Variants in ALK observed in about 807,000 individuals in gnomAD.
The protein encoded by ALK is ALK tyrosine kinase receptor.
ALK carries 74 observed loss-of-function variants against 163.1 expected under a neutral mutation model. The observed-to-expected ratio is 0.45, with a 90% confidence interval of 0.38 to 0.55. The LOEUF is 0.55. ALK is among the 20% of genes least tolerant of loss of function. The probability of loss-of-function intolerance (pLI) is 0.00; values close to 1 mark genes in which losing one functional copy is unlikely to be tolerated. For missense variants in ALK, 2,063 were observed against 2,105.3 expected, an observed-to-expected ratio of 0.98 and a Z score of 0.39; for synonymous variants, 960 against 843.2, an observed-to-expected ratio of 1.14 and a Z score of -2.40.
chr2:29,543,977 A>G (rs2148168647), intron 3 of ALK, among the ~76,000 whole-genome samples: 1 of 152,286 alleles, frequency 6.6e-6, no homozygotes, highest in East Asian at 1.9e-4. Flanking sequence ...ACACACATGC[A>G]TGGATGGATG....
At chr2:29,559,184 A>G (rs751610859) in intron 3 of ALK, among the ~76,000 whole-genome samples, 2 of 152,306 alleles carry the variant, frequency 1.3e-5, no homozygotes, top group Non-Finnish European at 2.9e-5. Context: ...AGAGCCCCCA[A>G]CTGAGCTTTA....
At chr2:29,522,599 G>T (rs1672843867) in intron 4 of ALK, among the ~76,000 whole-genome samples, 1 of 152,110 alleles carries the variant, frequency 6.6e-6, no homozygotes, top group Admixed American at 6.5e-5. Context: ...TGGTCACAAG[G>T]CTACATGGTC....
chr2:29,447,712 C>T (rs78609120), intron 4 of ALK, among the ~76,000 whole-genome samples: 3,128 of 152,264 alleles, frequency 0.021, 95 homozygotes, highest in African/African-American at 0.07. Flanking sequence ...CCGCTTCACA[C>T]CTCAGGTTCA....
intron 4 of ALK, among the ~76,000 whole-genome samples, chr2:29,508,987 A>G (rs994638085): frequency 6.6e-6 from 1 of 152,110 alleles, no homozygotes; most frequent in Non-Finnish European, 1.5e-5. Context: ...TTTTATTTTA[A>G]TAGAAAGGGA....
chr2:29,647,172 G>A (rs1481440488), intron 3 of ALK, among the ~76,000 whole-genome samples: 1 of 152,162 alleles, frequency 6.6e-6, no homozygotes, highest in Non-Finnish European at 1.5e-5. Context: ...AGTTACGTTA[G>A]AAAATTCAAT....
chr2:29,649,186 ATGTG>A (rs1311741661), intron 3 of ALK, among the ~76,000 whole-genome samples: 1 of 150,340 alleles, frequency 6.7e-6, no homozygotes, highest in South Asian at 2.1e-4. Flanking sequence ...TGAGGTTACA[ATGTG>A]TGTGTGTGAG....
At chr2:29,264,181 T>A (rs1020169911) in intron 11 of ALK, among the ~76,000 whole-genome samples, 2 of 152,208 alleles carry the variant, frequency 1.3e-5, no homozygotes, top group African/African-American at 4.8e-5. Flanking sequence ...CCACCCACCC[T>A]CTGCTGTGTC....
intron 1 of ALK, among the ~76,000 whole-genome samples, chr2:29,848,449 T>C (rs1375509562): frequency 6.6e-6 from 1 of 151,890 alleles, no homozygotes; most frequent in Non-Finnish European, 1.5e-5. Flanking sequence ...TTTCTAACCA[T>C]ACCACCTTCA....
chr2:29,514,815 T>C (rs1448976762), intron 4 of ALK, among the ~76,000 whole-genome samples: 1 of 152,182 alleles, frequency 6.6e-6, no homozygotes, highest in East Asian at 1.9e-4. Context: ...TTCACTTTTC[T>C]CTATGCCTCA....
At chr2:29,726,748 C>T (rs76783384) in intron 1 of ALK, among the ~76,000 whole-genome samples, 2,606 of 152,286 alleles carry the variant, frequency 0.017, 69 homozygotes, top group African/African-American at 0.058. Context: ...GCACATTCAC[C>T]ATGACTTAGG....
rs758050426 is a variant in ALK, at chr2:29,858,156, C to A, written c.667+61837G>T. Among the ~76,000 whole-genome samples the A allele has an allele frequency of 2.6e-5, 4 of 152,134 alleles. No homozygotes were observed. In the South Asian group the frequency reaches 8.3e-4, roughly 32 times the overall value. On this transcript the variant is annotated intron_variant, in intron 1 of 28. Coordinates refer to ENST00000389048, the MANE Select transcript of ALK (RefSeq NM_004304.5). Reference sequence around the variant, plus strand: ...CCATCACCACAGTCAGGATTCAGAACAGTTCCGTCACCACAAGAATCCCTC... The same window carrying A: ...CCATCACCACAGTCAGGATTCAGAAAAGTTCCGTCACCACAAGAATCCCTC...
intron 26 of ALK, among the ~76,000 whole-genome samples, chr2:29,199,533 T>G (rs562257975): frequency 6.6e-6 from 1 of 152,344 alleles, no homozygotes; most frequent in East Asian, 1.9e-4. Flanking sequence ...ATGCATAAGA[T>G]AATTTCCTCC....
chr2:29,697,101 T>C (rs1678589851), intron 2 of ALK, among the ~76,000 whole-genome samples: 1 of 151,964 alleles, frequency 6.6e-6, no homozygotes, highest in Non-Finnish European at 1.5e-5. Context: ...AATAAAAAAG[T>C]ACTGCCTATG....
At chr2:29,207,947 T>C (rs1669357053) in intron 25 of ALK, 1 of 416,870 alleles carries the variant, frequency 2.4e-6, no homozygotes, top group South Asian at 1.7e-5. Flanking sequence ...GGTGTTCTCC[T>C]GTGTGAGTGT....
chr2:29,531,610 GT>G (rs1673121965), intron 4 of ALK, among the ~76,000 whole-genome samples: 1 of 151,942 alleles, frequency 6.6e-6, no homozygotes, highest in South Asian at 2.1e-4. Context: ...TTCTTTGACT[GT>G]TTTCTTCTTG....
intron 4 of ALK, among the ~76,000 whole-genome samples, chr2:29,510,774 G>A (rs1672488658): frequency 6.6e-6 from 1 of 152,136 alleles, no homozygotes; most frequent in African/African-American, 2.4e-5. Context: ...TTTATTTTGT[G>A]GTCTAGACAG....
At chr2:29,540,122 C>T (rs1673373435) in intron 3 of ALK, among the ~76,000 whole-genome samples, 1 of 152,116 alleles carries the variant, frequency 6.6e-6, no homozygotes, top group African/African-American at 2.4e-5. Flanking sequence ...TATGATCAGA[C>T]TGCTTTGAGG....
chr2:29,247,184 G>T (rs538817526), intron 12 of ALK, among the ~76,000 whole-genome samples: 2 of 152,180 alleles, frequency 1.3e-5, no homozygotes, highest in African/African-American at 4.8e-5. Flanking sequence ...CGGCCTCCGC[G>T]GCAGCGCCTT....
chr2:29,283,597 C>T (rs867910537), intron 9 of ALK, among the ~76,000 whole-genome samples: 2 of 152,068 alleles, frequency 1.3e-5, no homozygotes, highest in Non-Finnish European at 2.9e-5. Flanking sequence ...GTCTTTTCTG[C>T]TTGGTGAGGA....
Sources: allele counts gnomAD v4.1 joint callset (sites outside exome capture counted in the v4.1 genomes callset), GRCh38; gene constraint gnomAD v4.1.1; transcripts MANE v1.5; gene names NCBI Gene and HGNC (gene_info 2026-07-23, HGNC 2026-07-21).